Variants in PPIE observed in about 807,000 individuals in gnomAD.
The protein encoded by PPIE is peptidylprolyl isomerase E, also known as peptidyl-prolyl cis-trans isomerase E.
In PPIE, 20 loss-of-function variants were observed where a neutral mutation model predicts 38.4. That is an observed-to-expected ratio of 0.52 (90% CI 0.37 to 0.76). The LOEUF is 0.76. Ranked by LOEUF, PPIE falls within the 30% of genes least tolerant of loss-of-function variation. The pLI is 0.00. For missense variants in PPIE, 322 were observed against 385.8 expected (o/e 0.83, Z 1.39); for synonymous variants, 142 against 135.7 (o/e 1.05, Z -0.32).
Position 39,762,591 on chromosome 1 carries a change from G to A in PPIE, c.838-1098G>A, listed in dbSNP as rs368670740. Reference sequence around the variant, plus strand: ...AAGATGGCCAAGAGAGAAACTGGGGGAAAAGCCAAAAGGTTGAGAGCCACA... The same window carrying A: ...AAGATGGCCAAGAGAGAAACTGGGGAAAAAGCCAAAAGGTTGAGAGCCACA... On this transcript the variant is annotated intron_variant, in intron 9 of 9. Transcript: ENST00000356511. 810 of 1,550,214 alleles carry A rather than the reference G, an allele frequency of 5.2e-4. 2 individuals carry two copies. The African/African-American group carries it at 9.5e-3, about 18-fold the overall frequency.
At chr1:39,751,544 GA>G (rs749761722) in intron 8 of PPIE, among the ~76,000 whole-genome samples, 13 of 152,072 alleles carry the variant, frequency 8.5e-5, no homozygotes, top group Non-Finnish European at 1.5e-4. Context: ...GTTTTTTGTA[GA>G]GACAGGGTTT....
Position 39,755,503 on chromosome 1 carries a change from CT to C in PPIE, c.*2150del. The C allele has an allele frequency of 1.0e-6, 1 of 985,458 alleles. No homozygotes were observed. Among genetic ancestry groups the C allele is most frequent in the Non-Finnish European group, 1.2e-6 (1 of 829,936 alleles). The allele number at this position is 985,458 out of a possible 1,614,324, so 61.0% of individuals were successfully genotyped here. ...GAGACCCTCCCTCAAAGCACAGCCC[CT>C]TCTCTGAGTGCAAATAATGGCCATC... On this transcript the variant is annotated 3_prime_UTR_variant, in exon 10 of 10. Transcript: ENST00000324379.
chr1:39,753,577 TCCA>T lies in PPIE; in HGVS notation c.*226_*228del. ...CCAGGAGCCAGCTCAGGTGCTCCCC[TCCA>T]CCATGGGCAGGCTGTGCAAAAAGCC... On this transcript the variant is annotated 3_prime_UTR_variant, in exon 10 of 10. Transcript: ENST00000324379. 1 of 1,376,500 alleles carries T rather than the reference TCCA, an allele frequency of 7.3e-7. No individual in the cohort carries two copies. The highest frequency in any genetic ancestry group is 9.3e-7 in the Non-Finnish European group (1 of 1,070,508). 85.3% of individuals were successfully genotyped at this position (1,376,500 alleles called of 1,614,324 possible). A position where few individuals can be genotyped will look rare whatever the true frequency, so the allele number is the denominator to read the frequency against.
At chr1:39,740,872 G>T (rs375905311) in intron 2 of PPIE, among the ~76,000 whole-genome samples, 2 of 152,302 alleles carry the variant, frequency 1.3e-5, no homozygotes, top group African/African-American at 2.4e-5. Context: ...GGTTATGTTG[G>T]CTTTCTAAGG....
chr1:39,763,395 A>AGCCGGCCCTCCCCAGCCGGCCCTCCCCG (rs1214366342), intron 9 of PPIE, among the ~76,000 whole-genome samples: 1 of 144,802 alleles, frequency 6.9e-6, no homozygotes, highest in Non-Finnish European at 1.5e-5. Flanking sequence ...TCCCCTCCCC[A>AGCCGGCCCTCCCCAGCCGGCCCTCCCCG]GCCGGCCCTC....
In PPIE at chr1:39,743,237, C is replaced by T. The variant is rs150373599; in HGVS notation, c.223C>T (p.Arg75Cys). 9 of 1,614,098 alleles carry T rather than the reference C, an allele frequency of 5.6e-6. No homozygotes were observed. Among genetic ancestry groups the T allele is most frequent in the South Asian group, 1.1e-5 (1 of 91,076 alleles). ...DNMNESELFG[R>C]TIRVNLAKPM... ...TCAGAATGAATCTGAGCTTTTTGGACGTACAATTCGTGTCAATTTGGCCAA... is the reference window on the plus strand; with the variant it reads ...TCAGAATGAATCTGAGCTTTTTGGATGTACAATTCGTGTCAATTTGGCCAA... Residue 75 changes from arginine (R) to cysteine (C), a missense_variant, in exon 5 of 10, where the codon CGT becomes TGT. By Grantham distance (180) the Arg-to-Cys change is radical. Coordinates refer to ENST00000324379, the MANE Select transcript of PPIE (RefSeq NM_006112.4).
chr1:39,752,491 A>G (rs549624545), intron 8 of PPIE, among the ~76,000 whole-genome samples: 4 of 152,280 alleles, frequency 2.6e-5, no homozygotes, highest in Admixed American at 2.0e-4. Context: ...ACACAGACAC[A>G]CACATATACA....
downstream of PPIE, chr1:39,761,217 T>TG (rs1400016071): frequency 6.5e-6 from 1 of 152,706 alleles, no homozygotes; most frequent in Non-Finnish European, 1.5e-5. Context: ...CAGCGGAACA[T>TG]GGAGTTCCTC....
intron 9 of PPIE, chr1:39,762,256 A>C: frequency 5.2e-6 from 2 of 381,780 alleles, no homozygotes; most frequent in Non-Finnish European, 4.7e-6. Context: ...TTTTAGAGAC[A>C]GGGTTTTGCT....
intron 7 of PPIE, chr1:39,746,421 G>T (rs1244326947): frequency 6.6e-6 from 1 of 152,162 alleles, no homozygotes; most frequent in Non-Finnish European, 1.5e-5. Context: ...TGAGGGCAAG[G>T]CTGAATTCCT....
downstream of PPIE, chr1:39,760,644 C>G: frequency 6.6e-7 from 1 of 1,519,906 alleles, no homozygotes; most frequent in South Asian, 1.2e-5. Context: ...CCCACCCCAG[C>G]TCCACCTGCT....
chr1:39,763,182 T>TATTAC, intron 9 of PPIE: 1 of 1,613,468 alleles, frequency 6.2e-7, no homozygotes, highest in Non-Finnish European at 8.5e-7. Flanking sequence ...CCGAGTAGCC[T>TATTAC]TGGGGAGCGA....
At chr1:39,739,196 A>G (rs572465392) in intron 1 of PPIE, 1 of 397,614 alleles carries the variant, frequency 2.5e-6, no homozygotes, top group Non-Finnish European at 4.4e-6. Flanking sequence ...GTCTCCCGAA[A>G]AATGACCCAC....
downstream of PPIE, chr1:39,758,660 A>T (rs1368716407): frequency 6.6e-6 from 1 of 152,322 alleles, no homozygotes; most frequent in Non-Finnish European, 1.5e-5. Flanking sequence ...TTGGAGATCA[A>T]AAAGTGCAGA....
rs1649340305 is a variant in PPIE, at chr1:39,763,580, A to C, written c.838-109A>C. On this transcript the variant is annotated intron_variant, in intron 9 of 9. Coordinates refer to the PPIE transcript ENST00000356511. ...TCTCACCATATTCTCACTTTAGAAA[A>C]CTTGGAAAACACAGAAGAAAAAAAT... 5.2e-6 allele frequency: 7 copies of C among 1,334,024 alleles called. 2 individuals are homozygous for C. The South Asian group carries it at 1.0e-4, about 20-fold the overall frequency. The allele number at this position is 1,334,024 out of a possible 1,614,324, so 82.6% of individuals were successfully genotyped here.
Position 39,753,305 on chromosome 1 carries a change from G to A in PPIE, c.856G>A (p.Gly286Arg), listed in dbSNP as rs753108497. 6.8e-6 allele frequency: 11 copies of A among 1,614,176 alleles called. No individual in the cohort carries two copies. The highest frequency in any genetic ancestry group is 2.2e-5 in the East Asian group (1 of 44,888). ...RQIEAQGSKD[G>R]KPKQKVIIAD... Reference sequence around the variant, plus strand: ...CACAAAGGCCCAGGGCAGCAAGGACGGGAAGCCAAAGCAGAAGGTGATCAT... The same window carrying A: ...CACAAAGGCCCAGGGCAGCAAGGACAGGAAGCCAAAGCAGAAGGTGATCAT... Residue 286 changes from glycine to arginine, a missense_variant, in exon 10 of 10, where the codon GGG becomes AGG. Transcript: ENST00000324379.
chr1:39,747,123 A>T (rs1316430165), intron 7 of PPIE: 1 of 152,190 alleles, frequency 6.6e-6, no homozygotes, highest in Admixed American at 6.5e-5. Flanking sequence ...TCCTTGTACC[A>T]TGTATCAGTG....
At chr1:39,763,205 G>A (rs773116776) in intron 9 of PPIE, 1 of 1,607,256 alleles carries the variant, frequency 6.2e-7, no homozygotes. Flanking sequence ...ACCCAGTCCT[G>A]GGGGGCAAGG....
chr1:39,760,317 C>A, downstream of PPIE: 10 of 1,535,740 alleles, frequency 6.5e-6, no homozygotes, highest in East Asian at 6.9e-5. Flanking sequence ...TCCTCCCTGG[C>A]AATGCCCCGG....
Sources: gnomAD v4.1 joint callset for allele counts (sites outside exome capture counted in the v4.1 genomes callset) on GRCh38, gnomAD v4.1.1 for gene constraint, MANE v1.5 for transcripts, NCBI Gene and HGNC (gene_info 2026-07-23, HGNC 2026-07-21) for gene names.